The following PDE11A variants were observed in gnomAD, a reference collection of about 807,000 sequenced individuals.
The protein encoded by PDE11A is phosphodiesterase 11A.
PDE11A carries 100 observed loss-of-function variants against 100.5 expected under a neutral mutation model. That is an observed-to-expected ratio of 1.00 (90% CI 0.85 to 1.18). PDE11A has a LOEUF of 1.18. PDE11A is among the 50% of genes most tolerant of loss of function. The pLI is 0.00. For missense variants in PDE11A, 1,141 were observed against 1,152.6 expected (o/e 0.99, Z 0.15); for synonymous variants, 381 against 420.8 (o/e 0.91, Z 1.16).
chr2:177,706,894 T>TG lies in PDE11A; in HGVS notation c.2153+4874dup, dbSNP rs997001676. Among the ~76,000 whole-genome samples the TG allele has an allele frequency of 2.3e-3, 184 of 78,508 alleles. 1 individual carries two copies. The highest frequency in any genetic ancestry group is 0.017 in the Middle Eastern group (3 of 174). The allele number at this position is 78,508 out of a possible 152,430, so 51.5% of individuals were successfully genotyped here. Reference sequence around the variant, plus strand: ...CCTGAGATTTGGGGACCTCGGTTTTTGTTTTTTTTTGTAAAATTGAGGAAG... The same window carrying TG: ...CCTGAGATTTGGGGACCTCGGTTTTTGGTTTTTTTTTGTAAAATTGAGGAAG... On this transcript the variant is annotated intron_variant, in intron 13 of 19. Coordinates refer to ENST00000286063, the MANE Select transcript of PDE11A (RefSeq NM_016953.4).
At chr2:177,885,085 TGTTTATTTAAC>T (rs2084407300) in intron 4 of PDE11A, among the ~76,000 whole-genome samples, 1 of 152,150 alleles carries the variant, frequency 6.6e-6, no homozygotes, top group African/African-American at 2.4e-5. Context: ...TGCATACATA[TGTTTATTTAAC>T]ATATAAATGA....
chr2:177,836,502 CT>C (rs1462175205), intron 6 of PDE11A, among the ~76,000 whole-genome samples: 2 of 152,192 alleles, frequency 1.3e-5, no homozygotes, highest in Non-Finnish European at 2.9e-5. Flanking sequence ...CCAATCAGCT[CT>C]CTGTAAAATG....
At chr2:177,884,126 G>C (rs2084389450) in intron 4 of PDE11A, among the ~76,000 whole-genome samples, 1 of 152,174 alleles carries the variant, frequency 6.6e-6, no homozygotes, top group Non-Finnish European at 1.5e-5. Flanking sequence ...GGAGTGGAGA[G>C]GTTCCAGAGA....
At chr2:177,997,413 T>C in intron 2 of PDE11A, 3 of 827,884 alleles carry the variant, frequency 3.6e-6, no homozygotes, top group Non-Finnish European at 4.3e-6. Flanking sequence ...TTTTGCCCAA[T>C]CTCAACCTTT....
intron 9 of PDE11A, among the ~76,000 whole-genome samples, chr2:177,770,771 C>T (rs966484689): frequency 2.0e-5 from 3 of 152,210 alleles, no homozygotes; most frequent in Admixed American, 6.5e-5. Flanking sequence ...GACATATACA[C>T]ACTCACACAT....
chr2:177,948,077 G>T (rs947894465), intron 2 of PDE11A, among the ~76,000 whole-genome samples: 1 of 151,722 alleles, frequency 6.6e-6, no homozygotes, highest in Non-Finnish European at 1.5e-5. Context: ...CTATGTGCAT[G>T]TGTGTATATG....
intron 1 of PDE11A, among the ~76,000 whole-genome samples, chr2:178,059,991 A>G (rs190068239): frequency 2.6e-5 from 4 of 152,374 alleles, no homozygotes; most frequent in East Asian, 1.9e-4. Context: ...TAGAGTCTAG[A>G]AAGACATTGA....
chr2:178,016,209 C>T (rs2086336163), intron 1 of PDE11A, among the ~76,000 whole-genome samples: 1 of 142,076 alleles, frequency 7.0e-6, no homozygotes, highest in South Asian at 2.2e-4. Context: ...TCTCGAACTC[C>T]TGACCGCAGG....
At chr2:177,961,634 T>A (rs138421495) in intron 2 of PDE11A, among the ~76,000 whole-genome samples, 186 of 152,366 alleles carry the variant, frequency 1.2e-3, no homozygotes, top group African/African-American at 4.1e-3. Flanking sequence ...CTGTTATGTT[T>A]TGGTCTTTAT....
intron 9 of PDE11A, among the ~76,000 whole-genome samples, chr2:177,790,149 C>G (rs372267960): frequency 2.0e-5 from 3 of 150,490 alleles, no homozygotes; most frequent in African/African-American, 7.4e-5. Flanking sequence ...TACTACAAGG[C>G]TACAGTAACC....
chr2:177,831,286 C>T (rs1688340527), intron 6 of PDE11A, among the ~76,000 whole-genome samples: 1 of 152,184 alleles, frequency 6.6e-6, no homozygotes, highest in South Asian at 2.1e-4. Flanking sequence ...TAAAGACATC[C>T]CTTTGTAGCT....
intron 2 of PDE11A, among the ~76,000 whole-genome samples, chr2:178,098,033 CT>C (rs2087516788): frequency 6.6e-6 from 1 of 152,188 alleles, no homozygotes; most frequent in East Asian, 1.9e-4. Context: ...CTCAGTAAGA[CT>C]TTTACTGAAA....
rs148931068 is a variant in PDE11A, at chr2:178,013,159, G to A, written c.1071+1143C>T. Among the ~76,000 whole-genome samples the A allele has an allele frequency of 1.9e-3, 283 of 152,132 alleles. 1 individual carries two copies. The highest frequency in any genetic ancestry group is 0.014 in the East Asian group (75 of 5,176). On this transcript the variant is annotated intron_variant, in intron 2 of 19. Coordinates refer to ENST00000286063, the MANE Select transcript of PDE11A (RefSeq NM_016953.4). ...GAGAACAAGCCTGTCTTTCCTAGGC[G>A]CCCCCAGCCTGTCTGAGAACAACTT...
chr2:177,992,792 T>G (rs2086019640), intron 2 of PDE11A, among the ~76,000 whole-genome samples: 1 of 152,214 alleles, frequency 6.6e-6, no homozygotes, highest in Admixed American at 6.5e-5. Flanking sequence ...AAGTCAGAAC[T>G]ATGACTGCCT....
chr2:177,797,717 T>C (rs1458622868), intron 9 of PDE11A, among the ~76,000 whole-genome samples: 2 of 152,232 alleles, frequency 1.3e-5, no homozygotes, highest in African/African-American at 4.8e-5. Context: ...GTACGTTCCT[T>C]AGACCATGAC....
intron 13 of PDE11A, among the ~76,000 whole-genome samples, chr2:177,703,888 C>T (rs544847655): frequency 3.3e-5 from 5 of 152,324 alleles, no homozygotes; most frequent in African/African-American, 7.2e-5. Flanking sequence ...CATATGTCTC[C>T]GATCTGGTGT....
At chr2:177,741,029 C>A (rs1286037613) in intron 10 of PDE11A, among the ~76,000 whole-genome samples, 1 of 152,208 alleles carries the variant, frequency 6.6e-6, no homozygotes, top group Non-Finnish European at 1.5e-5. Flanking sequence ...ATCTTACAGT[C>A]ATTGAAAAGC....
At chr2:177,805,090 A>AT (rs377486110) in intron 9 of PDE11A, among the ~76,000 whole-genome samples, 14,409 of 134,616 alleles carry the variant, frequency 0.11, 721 homozygotes, top group Middle Eastern at 0.16. Context: ...TTAATTAAAA[A>AT]ATATATATAT....
At chr2:178,039,278 A>G (rs1180003118) in intron 1 of PDE11A, among the ~76,000 whole-genome samples, 1 of 152,190 alleles carries the variant, frequency 6.6e-6, no homozygotes, top group Non-Finnish European at 1.5e-5. Context: ...TAACACAAAA[A>G]CAGAAAACCA....
Sources: allele counts gnomAD v4.1 joint callset (sites outside exome capture counted in the v4.1 genomes callset), GRCh38; gene constraint gnomAD v4.1.1; transcripts MANE v1.5; gene names NCBI Gene and HGNC (gene_info 2026-07-23, HGNC 2026-07-21).